Variants in CLDN16 observed in about 807,000 individuals in gnomAD.
CLDN16 encodes the protein claudin-16.
A neutral mutation model predicts 24.6 loss-of-function variants in CLDN16; 13 were observed. The observed-to-expected ratio is 0.53, with a 90% CI of 0.34 to 0.84. The LOEUF is 0.84. Among genes scored for constraint, CLDN16 ranks in the 40% least tolerant of loss-of-function variants. CLDN16 has a pLI of 0.01. For missense variants in CLDN16, 298 were observed against 292.7 expected, an observed-to-expected ratio of 1.02 and a Z score of -0.13; for synonymous variants, 116 against 106.7, an observed-to-expected ratio of 1.09 and a Z score of -0.54.
chr3:190,344,290 A>G (rs747006830), intron 1 of CLDN16, among the ~76,000 whole-genome samples: 6 of 152,010 alleles, frequency 3.9e-5, no homozygotes, highest in Non-Finnish European at 5.9e-5. Flanking sequence ...CAGAAAAGCC[A>G]TATGTGGATT....
At chr3:190,384,511 C>G (rs1054650650), upstream of CLDN16, among the ~76,000 whole-genome samples, 11 of 152,166 alleles carry the variant, frequency 7.2e-5, no homozygotes, top group Admixed American at 5.2e-4. Flanking sequence ...CCAGGTGGCT[C>G]TAAAGCCTCA....
At chr3:190,383,241 T>A (rs925932770), upstream of CLDN16, among the ~76,000 whole-genome samples, 2 of 152,088 alleles carry the variant, frequency 1.3e-5, no homozygotes, top group African/African-American at 4.8e-5. Flanking sequence ...TGGAGGGAGC[T>A]ATTGATATGT....
chr3:190,348,773 C>G (rs1159469599), intron 1 of CLDN16, among the ~76,000 whole-genome samples: 2 of 152,068 alleles, frequency 1.3e-5, no homozygotes, highest in Non-Finnish European at 2.9e-5. Context: ...AGGTACTAAG[C>G]CTAGTACCCA....
At chr3:190,409,807 A>C in intron 4 of CLDN16, 96 bp from the exon 5 acceptor site, 1 of 1,156,930 alleles carries the variant, frequency 8.6e-7, no homozygotes, top group South Asian at 1.3e-5. Flanking sequence ...GAGTATCTAT[A>C]TTCTTGTTCC....
chr3:190,297,977 A>G, the CLDN16 span, among the ~76,000 whole-genome samples: 17,825 of 151,924 alleles, frequency 0.12, 1,384 homozygotes, highest in East Asian at 0.42. Flanking sequence ...GTGGCCATCC[A>G]TGAAACTAAA....
chr3:190,350,528 A>G (rs1027986451), intron 1 of CLDN16, among the ~76,000 whole-genome samples: 4 of 152,172 alleles, frequency 2.6e-5, no homozygotes, highest in African/African-American at 9.6e-5. Flanking sequence ...TCAAGAGAAC[A>G]TGCAAAGGTC....
At chr3:190,351,639 A>T (rs1459102102) in intron 1 of CLDN16, among the ~76,000 whole-genome samples, 1 of 152,134 alleles carries the variant, frequency 6.6e-6, no homozygotes, top group East Asian at 1.9e-4. Flanking sequence ...TAAGGTTTTT[A>T]TTTTTTTAAG....
At chr3:190,322,194 C>T, upstream of CLDN16, 2 of 1,613,798 alleles carry the variant, frequency 1.2e-6, no homozygotes, top group Non-Finnish European at 1.7e-6. Context: ...AGCTGCAGCC[C>T]CGCGTTGGCC....
chr3:190,364,692 C>G (rs1717980281), intron 1 of CLDN16, among the ~76,000 whole-genome samples: 1 of 151,884 alleles, frequency 6.6e-6, no homozygotes, highest in Admixed American at 6.6e-5. Context: ...GCACTGCAGT[C>G]TAGAACTTTC....
chr3:190,292,736 G>GCCA, the CLDN16 span, among the ~76,000 whole-genome samples: 2 of 152,148 alleles, frequency 1.3e-5, no homozygotes, highest in African/African-American at 4.8e-5. Context: ...GAGGCAAAAT[G>GCCA]CCACCAGTCT....
the CLDN16 span, among the ~76,000 whole-genome samples, chr3:190,296,950 A>G: frequency 6.6e-6 from 1 of 152,176 alleles, no homozygotes; most frequent in African/African-American, 2.4e-5. Context: ...GCTGCTAGAT[A>G]GAGAATAAAC....
chr3:190,344,094 A>T (rs892935011), intron 1 of CLDN16, among the ~76,000 whole-genome samples: 12 of 152,116 alleles, frequency 7.9e-5, no homozygotes, highest in African/African-American at 2.9e-4. Flanking sequence ...AATGTGCACA[A>T]TACATTTTTT....
chr3:190,404,510 C>CTCT (rs1260807913), intron 2 of CLDN16, among the ~76,000 whole-genome samples: 1 of 152,164 alleles, frequency 6.6e-6, no homozygotes, highest in East Asian at 1.9e-4. Flanking sequence ...TACCAGGATG[C>CTCT]TCTCTGCTAG....
chr3:190,365,104 T>G (rs922381916), intron 1 of CLDN16, among the ~76,000 whole-genome samples: 1 of 151,926 alleles, frequency 6.6e-6, no homozygotes, highest in African/African-American at 2.4e-5. Flanking sequence ...GCTGTTTATC[T>G]CTTCCTAAGA....
At chr3:190,333,617 T>G (rs1442339485) in intron 1 of CLDN16, among the ~76,000 whole-genome samples, 1 of 152,114 alleles carries the variant, frequency 6.6e-6, no homozygotes, top group Non-Finnish European at 1.5e-5. Context: ...ATCTTTCATC[T>G]TTCTATGATA....
At chr3:190,299,254 C>G in the CLDN16 span, among the ~76,000 whole-genome samples, 1 of 151,872 alleles carries the variant, frequency 6.6e-6, no homozygotes, top group Non-Finnish European at 1.5e-5. Context: ...TTGCAAAATG[C>G]CTTTGCATGA....
At chr3:190,388,027 G>GA, upstream of CLDN16, 1 of 1,247,662 alleles carries the variant, frequency 8.0e-7, no homozygotes, top group South Asian at 1.3e-5. Context: ...AGTTGGGTCA[G>GA]AAAACGTTAC....
chr3:190,379,048 A>G (rs1289908753), intron 3 of CLDN16, among the ~76,000 whole-genome samples: 7 of 152,120 alleles, frequency 4.6e-5, no homozygotes, highest in African/African-American at 1.7e-4. Context: ...AGACCTTTGA[A>G]AATTTGAGGC....
chr3:190,407,415 T>C (rs1719133463), intron 3 of CLDN16, among the ~76,000 whole-genome samples: 1 of 152,056 alleles, frequency 6.6e-6, no homozygotes, highest in Non-Finnish European at 1.5e-5. Flanking sequence ...TAACTGAAAA[T>C]CCAACTCAAG....
Sources: allele counts gnomAD v4.1 joint callset (sites outside exome capture counted in the v4.1 genomes callset), GRCh38; gene constraint gnomAD v4.1.1; transcripts MANE v1.5; gene names NCBI Gene and HGNC (gene_info 2026-07-23, HGNC 2026-07-21).